YLPM1: variants seen among roughly 807,000 people sequenced by gnomAD.
YLPM1 encodes YLP motif containing 1.
A neutral mutation model predicts 230.0 loss-of-function variants in YLPM1; 99 were observed. The ratio of observed to expected loss-of-function variants is 0.43; its 90% confidence interval spans 0.37 to 0.51. The LOEUF (loss-of-function observed/expected upper bound fraction) is 0.51. Among genes scored for constraint, YLPM1 ranks in the 20% least tolerant of loss-of-function variants. The pLI is 0.00. For synonymous variants in YLPM1, 984 were observed against 942.5 expected (o/e 1.04, Z -0.81); for missense variants, 2,592 against 2,707.7 (o/e 0.96, Z 0.95).
At chr14:74,824,575 A>T (rs753196806) in intron 18 of YLPM1, among the ~76,000 whole-genome samples, 30 of 152,142 alleles carry the variant, frequency 2.0e-4, no homozygotes, top group Non-Finnish European at 3.8e-4. Flanking sequence ...GTCACTTATA[A>T]AATCTATTCT....
chr14:74,829,071 T>C (rs1255541533), intron 18 of YLPM1, 142 bp from the exon 19 acceptor site: 3 of 847,314 alleles, frequency 3.5e-6, no homozygotes, highest in Non-Finnish European at 5.4e-6. Context: ...GCCAAGAAGA[T>C]AGTTTGGATC....
chr14:74,811,667 G>A lies in YLPM1; in HGVS notation c.5276G>A (p.Gly1759Glu), dbSNP rs2091436137. ...DKKDHSSSRR[G>E]GFDRPSYDRK... ...AAAGACCATTCCTCATCCAGAAGAG[G>A]GGGTTTTGATAGGCCATCCTATGAC... is the stretch of plus-strand genomic sequence containing the variant. The change falls in exon 10 of 21, where the codon GGG (glycine) becomes GAG (glutamate). Residue 1759 changes from glycine (G) to glutamate (E), a missense_variant. Coordinates refer to ENST00000325680, the MANE Select transcript of YLPM1 (RefSeq NM_019589.3). 6.2e-7 allele frequency: 1 copy of A among 1,612,764 alleles called. No homozygotes were observed. The highest frequency in any genetic ancestry group is 1.3e-5 in the African/African-American group (1 of 74,800).
Position 74,806,148 on chromosome 14 carries a change from G to A in YLPM1, c.4522-3232G>A, listed in dbSNP as rs915443949. 3.3e-5 allele frequency among the ~76,000 whole-genome samples: 5 copies of A among 151,674 alleles called. No individual in the cohort carries two copies. The East Asian group carries it at 9.9e-4, about 30-fold the overall frequency. On this transcript the variant is annotated intron_variant, in intron 6 of 20. Coordinates refer to ENST00000325680, the MANE Select transcript of YLPM1 (RefSeq NM_019589.3). ...AAGGCAGGTGGATCACAAGAGGTCAGGAGTTCCAGACCAGCCTGGCCAACA... is the reference window on the plus strand; with the variant it reads ...AAGGCAGGTGGATCACAAGAGGTCAAGAGTTCCAGACCAGCCTGGCCAACA...
At chr14:74,809,290 T>A in intron 6 of YLPM1, 90 bp from the exon 7 acceptor site, 1 of 1,475,826 alleles carries the variant, frequency 6.8e-7, no homozygotes, top group Non-Finnish European at 8.9e-7. Context: ...AACTTTTTTC[T>A]TATAAATTGA....
At chr14:74,788,792 GTGCAC>G (rs1366179711) in intron 4 of YLPM1, among the ~76,000 whole-genome samples, 1 of 151,976 alleles carries the variant, frequency 6.6e-6, no homozygotes, top group African/African-American at 2.4e-5. Context: ...GCAGTGAGCT[GTGCAC>G]TGCACTCCAA....
intron 3 of YLPM1, among the ~76,000 whole-genome samples, chr14:74,780,923 C>T (rs2091086061): frequency 6.6e-6 from 1 of 152,100 alleles, no homozygotes; most frequent in African/African-American, 2.4e-5. Flanking sequence ...CAAAAACAGC[C>T]ATCACAAAAA....
At chr14:74,810,024 G>A in intron 8 of YLPM1, 22 bp downstream of exon 8, 8 of 1,570,798 alleles carry the variant, frequency 5.1e-6, no homozygotes, top group Non-Finnish European at 6.9e-6. Context: ...AGAGAGGTCA[G>A]TATTTTTAAA....
At chr14:74,796,750 CT>C (rs755667903) in intron 4 of YLPM1, among the ~76,000 whole-genome samples, 3,390 of 126,920 alleles carry the variant, frequency 0.027, 98 homozygotes, top group African/African-American at 0.073. Context: ...GCTACTGTTT[CT>C]TTTTTTTTTT....
chr14:74,814,152 G>A lies in YLPM1; in HGVS notation c.5502+1370G>A, dbSNP rs971229569. 3.3e-5 allele frequency among the ~76,000 whole-genome samples: 5 copies of A among 152,238 alleles called. No individual in the cohort carries two copies. The East Asian group carries it at 5.8e-4, about 18-fold the overall frequency. On this transcript the variant is annotated intron_variant, in intron 11 of 20. Coordinates refer to ENST00000325680, the MANE Select transcript of YLPM1 (RefSeq NM_019589.3). ...TGAGATGGGCGGATCATGAGGTCAG[G>A]AGATTGAGACCATCCTGGCTAACAC...
chr14:74,798,849 C>A lies in YLPM1; in HGVS notation c.3552C>A (p.His1184Gln). The A allele has an allele frequency of 6.2e-7, 1 of 1,613,866 alleles. No homozygotes were observed. The highest frequency in any genetic ancestry group is 8.5e-7 in the Non-Finnish European group (1 of 1,179,862). The change falls in exon 5 of 21, where the codon CAC (histidine) becomes CAA (glutamine). Residue 1184 changes from histidine (H) to glutamine (Q), a missense_variant. His to Gln is a conservative substitution (Grantham distance 24). Transcript: ENST00000325680. ...GTGGGGAAAAAATGTATCCATATCA[C>A]CGGGATGAGCCTCCTAGGGCTCCAT... is the stretch of plus-strand genomic sequence containing the variant. The part of the protein sequence containing the change: ...GDGGEKMYPY[H>Q]RDEPPRAPWN...
chr14:74,790,938 G>A (rs572973974), intron 4 of YLPM1, among the ~76,000 whole-genome samples: 1 of 152,196 alleles, frequency 6.6e-6, no homozygotes, highest in African/African-American at 2.4e-5. Context: ...TTTGAACTTT[G>A]AAAATTTGAA....
In YLPM1 at chr14:74,799,151, A is replaced by G. The variant is rs756360605; in HGVS notation, c.3854A>G (p.Asp1285Gly). The G allele has an allele frequency of 6.2e-7, 1 of 1,613,904 alleles. No individual in the cohort carries two copies. The highest frequency in any genetic ancestry group is 8.5e-7 in the Non-Finnish European group (1 of 1,179,840). ...GACTACAATAGGGAAATGGAAAGGG[A>G]CATGGACAGGGATGTGGATCGGATT... ...DEDYNREMERDMDRDVDRISR... is the reference protein window; with the variant it reads ...DEDYNREMERGMDRDVDRISR... Residue 1285 changes from aspartate to glycine, a missense_variant, in exon 5 of 21, where the codon GAC becomes GGC. By Grantham distance (94) the Asp-to-Gly change is moderately conservative (BLOSUM62 -1). This residue lies in a region of YLPM1 where 1,862 missense variants were observed against 1,819.8 expected (regional missense o/e 1.02). Transcript: ENST00000325680.
At chr14:74,802,874 C>T (rs1021042068) in intron 6 of YLPM1, among the ~76,000 whole-genome samples, 198 bp downstream of exon 6, 5 of 152,048 alleles carry the variant, frequency 3.3e-5, no homozygotes, top group Non-Finnish European at 7.4e-5. Flanking sequence ...TGCTCCTTTT[C>T]CCCAGATTTT....
rs1265663639 is a variant in YLPM1, at chr14:74,781,370, A to T, written c.1327A>T (p.Met443Leu). 2 of 1,580,850 alleles carry T rather than the reference A, an allele frequency of 1.3e-6. No homozygotes were observed. The highest frequency in any genetic ancestry group is 1.7e-6 in the Non-Finnish European group (2 of 1,162,356). Residue 443 changes from methionine (M) to leucine (L), a missense_variant, in exon 4 of 21, where the codon ATG becomes TTG. Coordinates refer to ENST00000325680, the MANE Select transcript of YLPM1 (RefSeq NM_019589.3). ...AGATATGCAGCTGCGGCATTATGAG[A>T]TGCAGCAGCAACAGTTTCAACATCT... ...SVDMQLRHYE[M>L]QQQQFQHLYQ...
At chr14:74,782,495 G>A (rs1008755742) in intron 4 of YLPM1, among the ~76,000 whole-genome samples, 170 bp downstream of exon 4, 1 of 152,054 alleles carries the variant, frequency 6.6e-6, no homozygotes, top group Non-Finnish European at 1.5e-5. Flanking sequence ...AAGGTAACAT[G>A]CCCCCATTTC....
chr14:74,811,178 G>A lies in YLPM1; in HGVS notation c.5229-442G>A, dbSNP rs563137922. Among the ~76,000 whole-genome samples, 105 of 152,098 alleles carry A rather than the reference G, an allele frequency of 6.9e-4. 1 individual carries two copies. Among genetic ancestry groups the A allele is most frequent in the African/African-American group, 2.4e-3 (100 of 41,512 alleles). The stretch of plus-strand genomic sequence containing the variant: ...ATATAAAGTAAATCTAAATGAAAAA[G>A]CAAAGTCAAAATGTAAATATTGGCC... On this transcript the variant is annotated intron_variant, in intron 9 of 20. Coordinates refer to ENST00000325680, the MANE Select transcript of YLPM1 (RefSeq NM_019589.3).
chr14:74,773,721 T>C (rs909285447), intron 1 of YLPM1, among the ~76,000 whole-genome samples: 4 of 135,704 alleles, frequency 2.9e-5, no homozygotes, highest in African/African-American at 1.1e-4. Flanking sequence ...CTTTTTTTTT[T>C]TTTTTTTTTT....
At chr14:74,788,523 C>T (rs973586781) in intron 4 of YLPM1, among the ~76,000 whole-genome samples, 1 of 152,214 alleles carries the variant, frequency 6.6e-6, no homozygotes, top group East Asian at 1.9e-4. Context: ...TGAATTACCA[C>T]ACCACATTTC....
intron 9 of YLPM1, among the ~76,000 whole-genome samples, chr14:74,810,683 G>C (rs1336340625): frequency 2.0e-5 from 3 of 151,628 alleles, no homozygotes; most frequent in Non-Finnish European, 2.9e-5. Flanking sequence ...ATACTCAGTA[G>C]GCAAGCAATT....
Sources: allele counts gnomAD v4.1 joint callset (sites outside exome capture counted in the v4.1 genomes callset), GRCh38; gene constraint gnomAD v4.1.1; regional missense constraint gnomAD v4.1.1; transcripts MANE v1.5; gene names NCBI Gene and HGNC (gene_info 2026-07-23, HGNC 2026-07-21).